CDH4: variants seen among roughly 807,000 people sequenced by gnomAD.
CDH4 encodes cadherin-4.
Under a neutral mutation model 86.0 loss-of-function variants are expected in CDH4, and 33 were observed. That is an observed-to-expected ratio of 0.38 (90% CI 0.29 to 0.51). CDH4 has a LOEUF of 0.51. Ranked by LOEUF, CDH4 falls within the 20% of genes least tolerant of loss-of-function variation. CDH4 has a pLI of 0.86. For synonymous variants in CDH4, 555 were observed against 549.4 expected (o/e 1.01, Z -0.14); for missense variants, 1,114 against 1,307.4 (o/e 0.85, Z 2.28).
intron 9 of CDH4, among the ~76,000 whole-genome samples, chr20:61,920,588 C>T (rs991493293): frequency 4.3e-5 from 6 of 140,680 alleles, no homozygotes; most frequent in Non-Finnish European, 6.1e-5. Context: ...GGTGTGATTG[C>T]GTGGAAGCGT....
At chr20:61,877,625 G>A (rs912203747) in intron 7 of CDH4, among the ~76,000 whole-genome samples, 2 of 152,140 alleles carry the variant, frequency 1.3e-5, no homozygotes, top group East Asian at 3.9e-4. Context: ...GCGGTCCCGT[G>A]TCTTCCTCTT....
rs1484293180 is a variant in CDH4, at chr20:61,330,513, G to T, written c.169+75576G>T. On this transcript the variant is annotated intron_variant, in intron 2 of 15. Coordinates refer to ENST00000614565, the MANE Select transcript of CDH4 (RefSeq NM_001794.5). ...CCTTGTGATGGTTTGATTGTCACCAGAGCAGCCTGTGCTTTGGTTGAATAA... is the reference window on the plus strand; with the variant it reads ...CCTTGTGATGGTTTGATTGTCACCATAGCAGCCTGTGCTTTGGTTGAATAA... 2.0e-5 allele frequency among the ~76,000 whole-genome samples: 3 copies of T among 152,198 alleles called. 1 individual carries two copies. The highest frequency in any genetic ancestry group is 6.5e-5 in the Admixed American group (1 of 15,280).
intron 2 of CDH4, among the ~76,000 whole-genome samples, chr20:61,686,006 A>G (rs1227420987): frequency 1.3e-5 from 2 of 152,224 alleles, no homozygotes; most frequent in Non-Finnish European, 1.5e-5. Context: ...TGAAGATCTC[A>G]ATAAATACTG....
chr20:61,561,071 A>G (rs1264468022), intron 2 of CDH4, among the ~76,000 whole-genome samples: 1 of 152,200 alleles, frequency 6.6e-6, no homozygotes, highest in African/African-American at 2.4e-5. Context: ...GAGGTGCCCG[A>G]GCACTCCAGG....
intron 2 of CDH4, among the ~76,000 whole-genome samples, chr20:61,376,081 G>A (rs2084870920): frequency 6.6e-6 from 1 of 152,220 alleles, no homozygotes; most frequent in Non-Finnish European, 1.5e-5. Context: ...TGATGGTAGT[G>A]TGATGGTCTT....
At chr20:61,565,492 G>C (rs1025037042) in intron 2 of CDH4, among the ~76,000 whole-genome samples, 4 of 151,870 alleles carry the variant, frequency 2.6e-5, no homozygotes, top group Non-Finnish European at 5.9e-5. Flanking sequence ...GAAGAGCTCA[G>C]CCACCTCCTT....
At chr20:61,303,083 T>C (rs2084394427) in intron 2 of CDH4, among the ~76,000 whole-genome samples, 1 of 152,142 alleles carries the variant, frequency 6.6e-6, no homozygotes, top group Non-Finnish European at 1.5e-5. Flanking sequence ...CTGCAAGATA[T>C]AAGTGTTCAC....
intron 2 of CDH4, among the ~76,000 whole-genome samples, chr20:61,382,959 G>C (rs1219267127): frequency 6.6e-6 from 1 of 150,796 alleles, no homozygotes; most frequent in African/African-American, 2.4e-5. Context: ...GAGGACACAA[G>C]TCAATCGGTA....
chr20:61,789,374 G>A (rs1276809129), intron 4 of CDH4, among the ~76,000 whole-genome samples: 2 of 152,314 alleles, frequency 1.3e-5, no homozygotes, highest in Non-Finnish European at 1.5e-5. Flanking sequence ...GAGCCTTGGT[G>A]TCTGTTTCTT....
At chr20:61,538,903 T>G (rs1357145698) in intron 2 of CDH4, among the ~76,000 whole-genome samples, 2 of 151,868 alleles carry the variant, frequency 1.3e-5, no homozygotes, top group Non-Finnish European at 2.9e-5. Flanking sequence ...GTGCAGGGGG[T>G]GGGGAGGTTG....
chr20:61,636,177 C>A (rs1293068113), intron 2 of CDH4, among the ~76,000 whole-genome samples: 1 of 152,200 alleles, frequency 6.6e-6, no homozygotes, highest in Non-Finnish European at 1.5e-5. Context: ...GGCTAATGGC[C>A]GTTGCTGAAA....
At chr20:61,550,349 C>T (rs551155407) in intron 2 of CDH4, among the ~76,000 whole-genome samples, 43 of 152,244 alleles carry the variant, frequency 2.8e-4, no homozygotes, top group African/African-American at 9.6e-4. Flanking sequence ...AGCCTGCTTC[C>T]CTGGCCTCCC....
chr20:61,661,799 G>T (rs2087260483), intron 2 of CDH4, among the ~76,000 whole-genome samples: 1 of 152,110 alleles, frequency 6.6e-6, no homozygotes, highest in Non-Finnish European at 1.5e-5. Context: ...CACTGACGCG[G>T]CTCGTATGAC....
chr20:61,506,049 C>G (rs1461618825), intron 2 of CDH4, among the ~76,000 whole-genome samples: 2 of 152,084 alleles, frequency 1.3e-5, no homozygotes, highest in Non-Finnish European at 2.9e-5. Context: ...CATTTGCTCC[C>G]CATAAGAATT....
intron 2 of CDH4, among the ~76,000 whole-genome samples, chr20:61,686,413 C>G (rs6061737): frequency 0.85 from 129,102 of 151,456 alleles, 55,383 homozygotes; most frequent in African/African-American, 0.96. Context: ...GTGTATGTGC[C>G]TGTACATTTG....
At chr20:61,359,893 A>G (rs552919751) in intron 2 of CDH4, among the ~76,000 whole-genome samples, 1 of 152,350 alleles carries the variant, frequency 6.6e-6, no homozygotes, top group African/African-American at 2.4e-5. Context: ...AGATAAGGCA[A>G]CAGATGAAAC....
At chr20:61,381,414 A>G (rs958295521) in intron 2 of CDH4, among the ~76,000 whole-genome samples, 3 of 152,212 alleles carry the variant, frequency 2.0e-5, no homozygotes, top group African/African-American at 7.2e-5. Flanking sequence ...TAATTAGTTC[A>G]TTGCACATAA....
chr20:61,694,898 C>T (rs1191709517), intron 2 of CDH4, among the ~76,000 whole-genome samples: 3 of 152,254 alleles, frequency 2.0e-5, no homozygotes, highest in Non-Finnish European at 4.4e-5. Flanking sequence ...GTCATAGCTT[C>T]AGATCCCGTG....
chr20:61,432,485 A>G (rs6089600), intron 2 of CDH4, among the ~76,000 whole-genome samples: 4,339 of 152,170 alleles, frequency 0.029, 98 homozygotes, highest in Non-Finnish European at 0.044. Context: ...TCAATTGTAT[A>G]TCTTCTTCTT....
Sources: gnomAD v4.1 joint callset for allele counts (sites outside exome capture counted in the v4.1 genomes callset) on GRCh38, gnomAD v4.1.1 for gene constraint, MANE v1.5 for transcripts, NCBI Gene and HGNC (gene_info 2026-07-23, HGNC 2026-07-21) for gene names.